Variants in ULK4 observed in about 807,000 individuals in gnomAD.
The protein encoded by ULK4 is unc-51 like kinase 4, also known as inactive serine/threonine-protein kinase ULK4.
Under a neutral mutation model 160.6 loss-of-function variants are expected in ULK4, and 133 were observed. The observed-to-expected ratio is 0.83, with a 90% CI of 0.72 to 0.96. ULK4 has a LOEUF of 0.96. ULK4 is among the 40% of genes least tolerant of loss of function. The pLI is 0.00. For missense variants in ULK4, 1,580 were observed against 1,499.5 expected, an observed-to-expected ratio of 1.05 and a Z score of -0.89; for synonymous variants, 534 against 539.8, an observed-to-expected ratio of 0.99 and a Z score of 0.15.
chr3:41,755,583 C>T (rs1469099340), intron 21 of ULK4, among the ~76,000 whole-genome samples: 3 of 152,110 alleles, frequency 2.0e-5, no homozygotes, highest in Non-Finnish European at 4.4e-5. Context: ...CTAATTTATA[C>T]TCTGTGGTCT....
At chr3:41,690,635 G>A (rs2036264584) in intron 27 of ULK4, among the ~76,000 whole-genome samples, 1 of 151,296 alleles carries the variant, frequency 6.6e-6, no homozygotes, top group South Asian at 2.1e-4. Flanking sequence ...TTCTTATGCA[G>A]ACAAATTTTA....
chr3:41,438,178 G>A (rs528728042), intron 34 of ULK4, among the ~76,000 whole-genome samples: 7 of 148,964 alleles, frequency 4.7e-5, no homozygotes, highest in East Asian at 2.0e-4. Context: ...AATAATTATC[G>A]AGAAATACCC....
intron 2 of ULK4, among the ~76,000 whole-genome samples, chr3:41,944,446 C>CGTAAT (rs1700053794): frequency 6.6e-6 from 1 of 152,070 alleles, no homozygotes; most frequent in Admixed American, 6.6e-5. Context: ...TCTAAAAAAA[C>CGTAAT]GTAATTTCAG....
chr3:41,456,479 T>A (rs1316123515), intron 33 of ULK4, among the ~76,000 whole-genome samples: 1 of 152,224 alleles, frequency 6.6e-6, no homozygotes, highest in Non-Finnish European at 1.5e-5. Flanking sequence ...TATCATTGCA[T>A]GAATAGGCTT....
At chr3:41,588,275 C>T (rs1325895531) in intron 31 of ULK4, among the ~76,000 whole-genome samples, 1 of 152,172 alleles carries the variant, frequency 6.6e-6, no homozygotes, top group Non-Finnish European at 1.5e-5. Context: ...CTGTAGAATG[C>T]AATTAATATA....
chr3:41,594,868 G>A (rs188078046), intron 31 of ULK4, among the ~76,000 whole-genome samples: 15 of 152,202 alleles, frequency 9.9e-5, no homozygotes, highest in Non-Finnish European at 1.5e-4. Context: ...CTTGGACTAC[G>A]GTGAGAGTAA....
intron 35 of ULK4, among the ~76,000 whole-genome samples, chr3:41,305,474 GGCCTCCC>G (rs1327263871): frequency 1.3e-5 from 2 of 152,208 alleles, no homozygotes; most frequent in African/African-American, 4.8e-5. Context: ...CGCCAGCCTC[GGCCTCCC>G]GAGGTGCCGG....
In ULK4 at chr3:41,831,517, T is replaced by TTA. The variant is rs201753249; in HGVS notation, c.1764+4345_1764+4346dup. Among the ~76,000 whole-genome samples, 266 of 132,696 alleles carry TTA rather than the reference T, an allele frequency of 2.0e-3. 2 individuals carry two copies. The highest frequency in any genetic ancestry group is 4.1e-3 in the Middle Eastern group (1 of 242). The allele number at this position is 132,696 out of a possible 152,430, so 87.1% of individuals were successfully genotyped here. On this transcript the variant is annotated intron_variant, in intron 18 of 36. Transcript: ENST00000301831. ...TAAAGTTTACATTTTTATTGTTATT[T>TTA]TATATATATATATATTTTTTTTTCT...
At chr3:41,768,090 C>T (rs9875985) in intron 21 of ULK4, among the ~76,000 whole-genome samples, 8,560 of 152,082 alleles carry the variant, frequency 0.056, 437 homozygotes, top group East Asian at 0.17. Flanking sequence ...ACTGCACATA[C>T]GAGGGATCTA....
intron 17 of ULK4, among the ~76,000 whole-genome samples, chr3:41,842,015 A>C (rs2041939474): frequency 6.6e-6 from 1 of 151,894 alleles, no homozygotes; most frequent in Non-Finnish European, 1.5e-5. Flanking sequence ...GGCCACAGGG[A>C]CCTCTGCCTA....
chr3:41,732,802 G>C (rs116048456), intron 22 of ULK4, among the ~76,000 whole-genome samples: 1 of 152,112 alleles, frequency 6.6e-6, no homozygotes, highest in African/African-American at 2.4e-5. Context: ...TAAAAAGAAT[G>C]AAATCTTGTC....
rs546150827 is a variant in ULK4, at chr3:41,440,023, T to C, written c.3492+15474A>G. 3.9e-5 allele frequency among the ~76,000 whole-genome samples: 6 copies of C among 152,312 alleles called. No homozygotes were observed. The East Asian group carries it at 7.7e-4, about 20-fold the overall frequency. ...AAATTGTCCATTGCCAGAAATAAAATAGATTTTTTTGCATATTGATTTTGT... is the reference window on the plus strand; with the variant it reads ...AAATTGTCCATTGCCAGAAATAAAACAGATTTTTTTGCATATTGATTTTGT... On this transcript the variant is annotated intron_variant, in intron 34 of 36. Coordinates refer to ENST00000301831, the MANE Select transcript of ULK4 (RefSeq NM_017886.4).
At chr3:41,465,115 G>A (rs2083796015) in intron 32 of ULK4, among the ~76,000 whole-genome samples, 1 of 152,154 alleles carries the variant, frequency 6.6e-6, no homozygotes, top group African/African-American at 2.4e-5. Flanking sequence ...GATAACGCCA[G>A]CAAAACCCAT....
chr3:41,877,935 C>T (rs553096553), intron 17 of ULK4, among the ~76,000 whole-genome samples: 2 of 151,974 alleles, frequency 1.3e-5, no homozygotes, highest in East Asian at 1.9e-4. Flanking sequence ...GAGCCGAGAT[C>T]GCGCCGTCGC....
At chr3:41,648,254 C>G (rs1190185800) in intron 30 of ULK4, among the ~76,000 whole-genome samples, 1 of 152,172 alleles carries the variant, frequency 6.6e-6, no homozygotes, top group Admixed American at 6.5e-5. Context: ...CCCGGTACCT[C>G]AGATGGAAAT....
chr3:41,669,628 C>T (rs1308842686), intron 29 of ULK4, among the ~76,000 whole-genome samples: 1 of 151,926 alleles, frequency 6.6e-6, no homozygotes, highest in African/African-American at 2.4e-5. Context: ...AGGATATGTC[C>T]AAGGATGCAG....
intron 30 of ULK4, among the ~76,000 whole-genome samples, chr3:41,619,107 C>G (rs1167170005): frequency 1.3e-5 from 2 of 152,066 alleles, no homozygotes; most frequent in African/African-American, 4.8e-5. Context: ...GCACCCAATA[C>G]AGGAGGACCC....
At chr3:41,468,157 CAACAAAGGGA>C (rs2083881502) in intron 32 of ULK4, among the ~76,000 whole-genome samples, 1 of 151,990 alleles carries the variant, frequency 6.6e-6, no homozygotes, top group Non-Finnish European at 1.5e-5. Flanking sequence ...GAGTTTGATA[CAACAAAGGGA>C]CATTCAAAGT....
chr3:41,834,001 T>C (rs1042694097), intron 18 of ULK4, among the ~76,000 whole-genome samples: 6 of 151,992 alleles, frequency 3.9e-5, no homozygotes, highest in African/African-American at 1.2e-4. Context: ...TTTGCTCATA[T>C]ATACAAAATT....
Sources: gnomAD v4.1 joint callset for allele counts (sites outside exome capture counted in the v4.1 genomes callset) on GRCh38, gnomAD v4.1.1 for gene constraint, MANE v1.5 for transcripts, NCBI Gene and HGNC (gene_info 2026-07-23, HGNC 2026-07-21) for gene names.